ANK2: variants seen among roughly 807,000 people sequenced by gnomAD.
The protein encoded by ANK2 is ankyrin-2.
In ANK2, 83 loss-of-function variants were observed where a neutral mutation model predicts 360.5. The observed-to-expected ratio is 0.23, with a 90% CI of 0.19 to 0.28. ANK2 has a LOEUF of 0.28. ANK2 is among the 10% of genes least tolerant of loss of function. The probability of loss-of-function intolerance (pLI) is 1.00; values close to 1 mark genes in which losing one functional copy is unlikely to be tolerated. For synonymous variants in ANK2, 1,740 were observed against 1,759.5 expected, an observed-to-expected ratio of 0.99 and a Z score of 0.28; for missense variants, 4,201 against 4,795.7, an observed-to-expected ratio of 0.88 and a Z score of 3.66.
At chr4:113,135,891 T>A (rs914674162) in intron 1 of ANK2, among the ~76,000 whole-genome samples, 4 of 152,162 alleles carry the variant, frequency 2.6e-5, no homozygotes, top group African/African-American at 7.2e-5. Flanking sequence ...TCATTTTTAA[T>A]GGTAATTGGA....
chr4:112,788,895 A>G, the ANK2 span: 1 of 675,364 alleles, frequency 1.5e-6, no homozygotes, highest in Non-Finnish European at 2.6e-6. Flanking sequence ...CTGCGGGAGG[A>G]GAGAGTTTTT....
intron 45 of ANK2, among the ~76,000 whole-genome samples, chr4:113,378,785 G>A (rs1361094178): frequency 2.6e-5 from 4 of 152,138 alleles, no homozygotes; most frequent in African/African-American, 7.2e-5. Flanking sequence ...CTGACTGTGA[G>A]GCACACTGGT....
At chr4:112,861,258 CTTA>C (rs1380335252) in intron 1 of ANK2, among the ~76,000 whole-genome samples, 1 of 152,128 alleles carries the variant, frequency 6.6e-6, no homozygotes, top group Non-Finnish European at 1.5e-5. Flanking sequence ...GGGTTTTTAT[CTTA>C]TTAGAGAAAG....
chr4:113,258,748 T>C (rs1455310811), intron 13 of ANK2, among the ~76,000 whole-genome samples: 3 of 152,198 alleles, frequency 2.0e-5, no homozygotes, highest in Admixed American at 6.5e-5. Flanking sequence ...TTGGTTCGAA[T>C]AGAATCTTTA....
intron 5 of ANK2, among the ~76,000 whole-genome samples, chr4:113,233,458 C>G (rs2099346490): frequency 1.3e-5 from 2 of 151,968 alleles, no homozygotes; most frequent in Non-Finnish European, 2.9e-5. Flanking sequence ...TATTTTGTGG[C>G]CCCACTGATA....
intron 1 of ANK2, among the ~76,000 whole-genome samples, chr4:113,060,095 A>G (rs1245775842): frequency 6.6e-6 from 1 of 152,048 alleles, no homozygotes; most frequent in African/African-American, 2.4e-5. Context: ...TCCTTTTTAG[A>G]AGGTCATATG....
chr4:112,950,530 G>C (rs191441428), intron 2 of ANK2, among the ~76,000 whole-genome samples: 5 of 151,798 alleles, frequency 3.3e-5, no homozygotes, highest in African/African-American at 7.2e-5. Context: ...TGTAGCCCCA[G>C]CTACTCAGGA....
intron 23 of ANK2, among the ~76,000 whole-genome samples, chr4:113,309,695 A>T (rs2153815823): frequency 6.6e-6 from 1 of 151,890 alleles, no homozygotes; most frequent in South Asian, 2.1e-4. Flanking sequence ...ATTTGAAAAA[A>T]ATTTTTAGTA....
At chr4:113,307,073 T>A (rs1387669489) in intron 23 of ANK2, among the ~76,000 whole-genome samples, 1 of 152,316 alleles carries the variant, frequency 6.6e-6, no homozygotes, top group Non-Finnish European at 1.5e-5. Context: ...AAAATGCCCA[T>A]AGGAATGTGA....
chr4:112,770,138 G>C, the ANK2 span, among the ~76,000 whole-genome samples: 2 of 152,164 alleles, frequency 1.3e-5, no homozygotes, highest in Non-Finnish European at 1.5e-5. Flanking sequence ...CTTTGCACTC[G>C]TGGGTTCTCT....
intron 1 of ANK2, among the ~76,000 whole-genome samples, chr4:112,900,496 G>T (rs2083001638): frequency 1.3e-5 from 2 of 152,254 alleles, no homozygotes; most frequent in South Asian, 4.2e-4. Context: ...TCTGCATAAA[G>T]AATGTATTTC....
At chr4:112,897,220 C>T (rs918602114) in intron 1 of ANK2, among the ~76,000 whole-genome samples, 1 of 152,086 alleles carries the variant, frequency 6.6e-6, no homozygotes, top group Admixed American at 6.6e-5. Flanking sequence ...GCTTCTGGTC[C>T]CCCATGACAG....
chr4:113,132,994 C>T (rs2096155295), intron 1 of ANK2, among the ~76,000 whole-genome samples: 2 of 152,126 alleles, frequency 1.3e-5, no homozygotes, highest in South Asian at 4.1e-4. Context: ...TGGAAGGATG[C>T]ACTAGAGTTT....
intron 13 of ANK2, among the ~76,000 whole-genome samples, chr4:113,259,655 G>A (rs1042425897): frequency 2.6e-5 from 4 of 151,946 alleles, no homozygotes; most frequent in Non-Finnish European, 5.9e-5. Context: ...TTGGTCCTAA[G>A]GTCATAATAT....
the ANK2 span, among the ~76,000 whole-genome samples, chr4:112,772,541 G>C: frequency 6.6e-6 from 1 of 151,846 alleles, no homozygotes; most frequent in South Asian, 2.1e-4. Context: ...ACTCACCTGG[G>C]ACACATGTGA....
At chr4:112,873,778 G>A (rs905177660) in intron 1 of ANK2, among the ~76,000 whole-genome samples, 11 of 151,092 alleles carry the variant, frequency 7.3e-5, no homozygotes, top group East Asian at 3.9e-4. Flanking sequence ...TCTCGACCTC[G>A]TGATCCGCCT....
chr4:113,264,832 C>T, intron 13 of ANK2, 65 bp from the exon 14 acceptor site: 3 of 1,501,454 alleles, frequency 2.0e-6, no homozygotes, highest in African/African-American at 1.4e-5. Context: ...AAAGGGACAA[C>T]TTTATTCTTT....
At chr4:113,218,635 T>C (rs1038145766) in intron 4 of ANK2, among the ~76,000 whole-genome samples, 2 of 152,188 alleles carry the variant, frequency 1.3e-5, no homozygotes, top group Admixed American at 6.5e-5. Context: ...TGACTTTAGA[T>C]GAGTTGGTCT....
the ANK2 span, among the ~76,000 whole-genome samples, chr4:112,784,426 C>T: frequency 6.9e-6 from 1 of 145,866 alleles, no homozygotes; most frequent in African/African-American, 2.5e-5. Context: ...GGCGCGATCT[C>T]GGCTCACTGC....
Sources: allele counts gnomAD v4.1 joint callset (sites outside exome capture counted in the v4.1 genomes callset), GRCh38; gene constraint gnomAD v4.1.1; transcripts MANE v1.5; gene names NCBI Gene and HGNC (gene_info 2026-07-23, HGNC 2026-07-21).